DPP6: variants seen among roughly 807,000 people sequenced by gnomAD.
DPP6 encodes the protein dipeptidyl peptidase like 6.
In DPP6, 69 loss-of-function variants were observed where a neutral mutation model predicts 122.6. That is an observed-to-expected ratio of 0.56 (90% CI 0.46 to 0.69). DPP6 has a LOEUF of 0.69. DPP6 is among the 30% of genes least tolerant of loss of function. DPP6 has a pLI of 0.00. For missense variants in DPP6, 928 were observed against 1,116.9 expected (o/e 0.83, Z 2.41); for synonymous variants, 418 against 433.1 (o/e 0.97, Z 0.43).
chr7:154,827,185 T>A (rs1414146186), intron 16 of DPP6, among the ~76,000 whole-genome samples: 3 of 150,666 alleles, frequency 2.0e-5, no homozygotes, highest in Admixed American at 6.6e-5. Flanking sequence ...TACACTGAAA[T>A]CCACCCCCTC....
At chr7:154,701,543 G>T (rs557508305) in intron 7 of DPP6, among the ~76,000 whole-genome samples, 1 of 152,304 alleles carries the variant, frequency 6.6e-6, no homozygotes, top group East Asian at 1.9e-4. Context: ...AGGCTGAGCC[G>T]CCAGGCTGAG....
intron 1 of DPP6, among the ~76,000 whole-genome samples, chr7:154,152,979 A>G (rs555939184): frequency 6.6e-6 from 1 of 152,378 alleles, no homozygotes; most frequent in African/African-American, 2.4e-5. Flanking sequence ...AAGCCAAGCT[A>G]AGTTTTCAGT....
At chr7:154,603,612 T>C (rs1833490043) in intron 5 of DPP6, among the ~76,000 whole-genome samples, 1 of 83,894 alleles carries the variant, frequency 1.2e-5, no homozygotes. Context: ...GCCAAGATTG[T>C]GCCACTGGAC....
intron 1 of DPP6, among the ~76,000 whole-genome samples, chr7:154,294,173 A>C (rs1373891343): frequency 6.6e-6 from 1 of 152,192 alleles, no homozygotes; most frequent in East Asian, 1.9e-4. Flanking sequence ...ACTCACAGGC[A>C]GGGCCGGGCA....
rs556021567 is a variant in DPP6, at chr7:154,375,297, A to G, written c.244-70917A>G. ...GTGGCTATATGCCTGGCACACCCCA[A>G]GGGCAGGAGGTCGACCACAATGGCG... On this transcript the variant is annotated intron_variant, in intron 1 of 25. Transcript: ENST00000377770. Among the ~76,000 whole-genome samples, 21 of 152,200 alleles carry G rather than the reference A, an allele frequency of 1.4e-4. 1 individual carries two copies. In the South Asian group the frequency reaches 4.4e-3, roughly 32 times the overall value.
chr7:153,878,623 T>G, the DPP6 span, among the ~76,000 whole-genome samples: 1 of 152,146 alleles, frequency 6.6e-6, no homozygotes, highest in African/African-American at 2.4e-5. Context: ...AATGGGATTG[T>G]AACTAGAAGA....
chr7:154,586,633 C>T (rs569566649), intron 5 of DPP6, among the ~76,000 whole-genome samples: 3 of 152,346 alleles, frequency 2.0e-5, no homozygotes, highest in East Asian at 3.9e-4. Flanking sequence ...TCCCTGTTCT[C>T]TAGATTAGCT....
chr7:154,284,140 C>T (rs1365405234), intron 1 of DPP6, among the ~76,000 whole-genome samples: 1 of 152,078 alleles, frequency 6.6e-6, no homozygotes, highest in Non-Finnish European at 1.5e-5. Context: ...ACCTGGAACC[C>T]CACTGGGTCT....
intron 10 of DPP6, among the ~76,000 whole-genome samples, chr7:154,785,287 G>C (rs977990735): frequency 6.6e-6 from 1 of 152,130 alleles, no homozygotes; most frequent in Non-Finnish European, 1.5e-5. Flanking sequence ...AGATGGAGAT[G>C]ACTTTTCACT....
chr7:154,190,886 C>T (rs1011539492), intron 1 of DPP6, among the ~76,000 whole-genome samples: 51 of 152,090 alleles, frequency 3.4e-4, no homozygotes, highest in Admixed American at 3.3e-3. Flanking sequence ...TTGCCATGTG[C>T]TCTTGTAGGA....
intron 3 of DPP6, among the ~76,000 whole-genome samples, chr7:154,530,135 A>G (rs1193160967): frequency 6.6e-6 from 1 of 152,124 alleles, no homozygotes; most frequent in Non-Finnish European, 1.5e-5. Context: ...AAAAGAAAAA[A>G]AAAAAGAAAA....
At chr7:154,796,039 G>A in intron 12 of DPP6, 156 bp downstream of exon 12, 1 of 1,213,576 alleles carries the variant, frequency 8.2e-7, no homozygotes, top group Admixed American at 3.0e-5. Context: ...CACTCACGGT[G>A]CCTCCCGTTC....
chr7:154,408,036 C>T (rs528116871), intron 1 of DPP6, among the ~76,000 whole-genome samples: 18 of 152,176 alleles, frequency 1.2e-4, no homozygotes, highest in African/African-American at 1.4e-4. Context: ...TTACTGAGTG[C>T]GCAAGAGGTA....
intron 1 of DPP6, among the ~76,000 whole-genome samples, chr7:154,348,249 C>G (rs531345040): frequency 4.4e-4 from 67 of 152,294 alleles, no homozygotes; most frequent in African/African-American, 1.5e-3. Context: ...GAAAGTCATA[C>G]GATTCTATTC....
At chr7:154,632,520 G>T (rs542820192) in intron 5 of DPP6, among the ~76,000 whole-genome samples, 1 of 152,298 alleles carries the variant, frequency 6.6e-6, no homozygotes, top group Non-Finnish European at 1.5e-5. Flanking sequence ...TACCAACTGA[G>T]ATAGGGATTA....
intron 21 of DPP6, 93 bp from the exon 22 acceptor site, chr7:154,885,540 C>A (rs1806074907): frequency 4.7e-6 from 7 of 1,483,152 alleles, no homozygotes; most frequent in Non-Finnish European, 6.3e-6. Flanking sequence ...CTGCATGGAA[C>A]TGGCTGCTCT....
chr7:154,770,233 G>A (rs1008604221), intron 9 of DPP6, among the ~76,000 whole-genome samples: 1 of 152,168 alleles, frequency 6.6e-6, no homozygotes, highest in African/African-American at 2.4e-5. Context: ...GAGGCCTCAC[G>A]ATCATGTCAG....
intron 1 of DPP6, among the ~76,000 whole-genome samples, chr7:154,062,812 G>T (rs1427767051): frequency 1.6e-5 from 2 of 124,260 alleles, no homozygotes; most frequent in East Asian, 4.8e-4. Flanking sequence ...CATCGCAGAG[G>T]GGGGAGGCAC....
At chr7:154,752,744 G>T (rs867394782) in intron 8 of DPP6, among the ~76,000 whole-genome samples, 1 of 152,198 alleles carries the variant, frequency 6.6e-6, no homozygotes, top group Non-Finnish European at 1.5e-5. Flanking sequence ...CGGCCGCTCT[G>T]TTCTAGGATG....
Sources: gnomAD v4.1 joint callset for allele counts (sites outside exome capture counted in the v4.1 genomes callset) on GRCh38, gnomAD v4.1.1 for gene constraint, MANE v1.5 for transcripts, NCBI Gene and HGNC (gene_info 2026-07-23, HGNC 2026-07-21) for gene names.